RABGAP1L: variants seen among roughly 807,000 people sequenced by gnomAD.
The protein encoded by RABGAP1L is RAB GTPase activating protein 1 like.
A neutral mutation model predicts 137.7 loss-of-function variants in RABGAP1L; 63 were observed. The ratio of observed to expected loss-of-function variants is 0.46; its 90% CI spans 0.37 to 0.56. The LOEUF (loss-of-function observed/expected upper bound fraction) is 0.56. Ranked by LOEUF, RABGAP1L falls within the 20% of genes least tolerant of loss-of-function variation. The pLI is 0.00. For missense variants in RABGAP1L, 1,095 were observed against 1,244.0 expected (o/e 0.88, Z 1.80); for synonymous variants, 431 against 433.7 (o/e 0.99, Z 0.08).
chr1:174,567,580 T>C (rs1441122468), intron 13 of RABGAP1L, among the ~76,000 whole-genome samples: 1 of 152,148 alleles, frequency 6.6e-6, no homozygotes. Flanking sequence ...ATGAGGATAA[T>C]TATGGTCTAA....
intron 13 of RABGAP1L, among the ~76,000 whole-genome samples, chr1:174,438,744 G>GTGTGTGTATATA (rs1161311071): frequency 4.5e-4 from 43 of 95,448 alleles, no homozygotes; most frequent in African/African-American, 1.8e-3. Flanking sequence ...GTGTGTGTGT[G>GTGTGTGTATATA]TATATATATA....
At chr1:174,370,421 A>G (rs1437800561) in intron 11 of RABGAP1L, among the ~76,000 whole-genome samples, 1 of 148,098 alleles carries the variant, frequency 6.8e-6, no homozygotes, top group Non-Finnish European at 1.5e-5. Context: ...TAAAATTGCC[A>G]TATAAAAAGG....
chr1:174,723,641 G>A (rs528336979), intron 17 of RABGAP1L, among the ~76,000 whole-genome samples: 3 of 152,160 alleles, frequency 2.0e-5, no homozygotes, highest in Admixed American at 6.5e-5. Flanking sequence ...CAATCTCAAA[G>A]CTTCTTTGAA....
intron 11 of RABGAP1L, among the ~76,000 whole-genome samples, chr1:174,369,170 CTAAGTT>C (rs1684891870): frequency 6.6e-6 from 1 of 152,038 alleles, no homozygotes; most frequent in Non-Finnish European, 1.5e-5. Flanking sequence ...GTGACATAGT[CTAAGTT>C]TAACCTGTCT....
intron 17 of RABGAP1L, among the ~76,000 whole-genome samples, chr1:174,746,966 A>AT (rs1266029540): frequency 5.9e-5 from 9 of 152,276 alleles, no homozygotes; most frequent in African/African-American, 1.9e-4. Flanking sequence ...ATGTTTACTT[A>AT]TTTTTTACTC....
intron 17 of RABGAP1L, among the ~76,000 whole-genome samples, chr1:174,704,061 G>T (rs1679870392): frequency 6.6e-6 from 1 of 152,078 alleles, no homozygotes; most frequent in East Asian, 1.9e-4. Flanking sequence ...GCAGTGGCAT[G>T]ATCTCAGCTC....
chr1:174,983,246 C>T (rs1454534450), intron 24 of RABGAP1L, among the ~76,000 whole-genome samples: 1 of 151,986 alleles, frequency 6.6e-6, no homozygotes, highest in Non-Finnish European at 1.5e-5. Flanking sequence ...GATGTGGCTT[C>T]AGTATGGGAC....
chr1:174,668,659 G>A (rs777293491), intron 14 of RABGAP1L, among the ~76,000 whole-genome samples: 29 of 151,992 alleles, frequency 1.9e-4, no homozygotes, highest in Admixed American at 3.9e-4. Flanking sequence ...ATGGTAGTTC[G>A]AATTTTAATT....
At chr1:174,337,642 T>C (rs967106404) in intron 11 of RABGAP1L, among the ~76,000 whole-genome samples, 21 of 152,128 alleles carry the variant, frequency 1.4e-4, no homozygotes, top group African/African-American at 5.1e-4. Flanking sequence ...TAAGTCTCAT[T>C]TGAGGGGATA....
intron 13 of RABGAP1L, among the ~76,000 whole-genome samples, chr1:174,459,811 A>G (rs957481737): frequency 1.3e-4 from 20 of 152,280 alleles, no homozygotes; most frequent in Middle Eastern, 3.4e-3. Flanking sequence ...CTGAGATAGT[A>G]GAGCCATCAT....
intron 1 of RABGAP1L, among the ~76,000 whole-genome samples, chr1:174,213,398 C>G (rs1038929877): frequency 6.6e-6 from 1 of 152,158 alleles, no homozygotes; most frequent in African/African-American, 2.4e-5. Flanking sequence ...GCACTCCAGC[C>G]TGAGCGACAG....
chr1:174,991,064 C>T lies in RABGAP1L; in HGVS notation c.*1063C>T, dbSNP rs552930620. 1 of 152,172 alleles carries T rather than the reference C, an allele frequency of 6.6e-6. No individual in the cohort carries two copies. The highest frequency in any genetic ancestry group is 2.1e-4 in the South Asian group (1 of 4,812). The allele number at this position is 152,172 out of a possible 1,614,324, so 9.4% of individuals were successfully genotyped here. ...TTCTGTAGTTCCCTGAAAATGTGTCCTTCGTACCCATAAAGAGATACAAAT... is the reference window on the plus strand; with the variant it reads ...TTCTGTAGTTCCCTGAAAATGTGTCTTTCGTACCCATAAAGAGATACAAAT... On this transcript the variant is annotated 3_prime_UTR_variant, in exon 26 of 26. Coordinates refer to ENST00000681986, the MANE Select transcript of RABGAP1L (RefSeq NM_001366446.1).
At chr1:174,361,599 T>C (rs1378200703) in intron 11 of RABGAP1L, among the ~76,000 whole-genome samples, 3 of 152,156 alleles carry the variant, frequency 2.0e-5, no homozygotes, top group Non-Finnish European at 4.4e-5. Context: ...TGTTGGCATA[T>C]AGAAATGCTA....
chr1:174,602,349 C>CTGATAAACCCG (rs1213576279), intron 13 of RABGAP1L, among the ~76,000 whole-genome samples: 3 of 152,172 alleles, frequency 2.0e-5, no homozygotes, highest in Non-Finnish European at 4.4e-5. Context: ...GCGGAAACCC[C>CTGATAAACCCG]TGATAAACCC....
intron 13 of RABGAP1L, among the ~76,000 whole-genome samples, chr1:174,429,250 C>A (rs888006968): frequency 6.6e-6 from 1 of 152,178 alleles, no homozygotes; most frequent in African/African-American, 2.4e-5. Context: ...TAGTCGTCTT[C>A]TTCACTGGAT....
At chr1:174,440,315 GA>G (rs1354944720) in intron 13 of RABGAP1L, among the ~76,000 whole-genome samples, 1 of 152,088 alleles carries the variant, frequency 6.6e-6, no homozygotes, top group East Asian at 1.9e-4. Context: ...TTGCATTGTG[GA>G]AAAAAATATT....
chr1:174,809,754 G>A (rs1389508538), intron 18 of RABGAP1L, among the ~76,000 whole-genome samples: 1 of 152,194 alleles, frequency 6.6e-6, no homozygotes, highest in African/African-American at 2.4e-5. Flanking sequence ...ATCAGAACTG[G>A]TATTACATGT....
intron 18 of RABGAP1L, among the ~76,000 whole-genome samples, chr1:174,778,637 G>A (rs1253576065): frequency 6.6e-6 from 1 of 151,402 alleles, no homozygotes; most frequent in African/African-American, 2.4e-5. Flanking sequence ...CACTGTCACC[G>A]AGGCTGGAGT....
intron 7 of RABGAP1L, among the ~76,000 whole-genome samples, chr1:174,271,787 C>T (rs1674575164): frequency 6.6e-6 from 1 of 151,600 alleles, no homozygotes; most frequent in East Asian, 1.9e-4. Context: ...TCAGGAAGCA[C>T]AGAACAATAT....
Sources: allele counts gnomAD v4.1 joint callset (sites outside exome capture counted in the v4.1 genomes callset), GRCh38; gene constraint gnomAD v4.1.1; transcripts MANE v1.5; gene names NCBI Gene and HGNC (gene_info 2026-07-23, HGNC 2026-07-21).